Variants in RAD23B observed in about 807,000 individuals in gnomAD.
The protein encoded by RAD23B is RAD23 nucleotide excision repair protein B, also known as lysine-specific demethylase RAD23B.
A neutral mutation model predicts 49.1 loss-of-function variants in RAD23B; 5 were observed. The ratio of observed to expected loss-of-function variants is 0.10; its 90% CI spans 0.05 to 0.21. The LOEUF (loss-of-function observed/expected upper bound fraction) is 0.21, where lower values mean the gene tolerates loss of function less well. Ranked by LOEUF, RAD23B falls within the 10% of genes least tolerant of loss-of-function variation. The pLI is 1.00. For synonymous variants in RAD23B, 184 were observed against 165.4 expected, an observed-to-expected ratio of 1.11 and a Z score of -0.86; for missense variants, 356 against 486.7, an observed-to-expected ratio of 0.73 and a Z score of 2.53.
chr9:107,308,499 A>G (rs773415323), intron 4 of RAD23B, among the ~76,000 whole-genome samples: 9 of 152,116 alleles, frequency 5.9e-5, no homozygotes, highest in Non-Finnish European at 8.8e-5. Context: ...GATTATAGGC[A>G]TGAGCCACCA....
rs554804197 is a variant in RAD23B at position 107,331,910 on chromosome 9, T to C, written c.*2254T>C. 6.2e-6 allele frequency: 3 copies of C among 482,284 alleles called. No homozygotes were observed. The highest frequency in any genetic ancestry group is 5.8e-5 in the African/African-American group (3 of 51,396). The allele number at this position is 482,284 out of a possible 1,614,324, so 29.9% of individuals were successfully genotyped here. On this transcript the variant is annotated 3_prime_UTR_variant, in exon 10 of 10. Transcript: ENST00000358015. ...TTTTGTGCCTTTTGCTGTTAATGTT[T>C]AATTTACAAACTGTTTTGGTAAATC...
chr9:107,286,388 A>G (rs75520977), intron 1 of RAD23B, among the ~76,000 whole-genome samples: 1 of 152,216 alleles, frequency 6.6e-6, no homozygotes, highest in Non-Finnish European at 1.5e-5. Flanking sequence ...GGGGATATAC[A>G]AAATGGAAAG....
Position 107,330,690 on chromosome 9 carries a change from T to G in RAD23B, c.*1034T>G. The G allele has an allele frequency of 6.6e-6, 1 of 152,654 alleles. No individual in the cohort carries two copies. Among genetic ancestry groups the G allele is most frequent in the East Asian group, 1.9e-4 (1 of 5,200 alleles). The allele number at this position is 152,654 out of a possible 1,614,324, so 9.5% of individuals were successfully genotyped here. ...TTTGTAAATGTGTTTCTTTATTAGA[T>G]AAGAGTGTATTACCATTAAAGTCAT... On this transcript the variant is annotated 3_prime_UTR_variant, in exon 10 of 10. Transcript: ENST00000358015. The surrounding 1 kb of genome is among the most constrained non-coding windows in gnomAD (Gnocchi z 4.4).
intron 2 of RAD23B, 33 bp downstream of exon 2, chr9:107,300,255 G>A: frequency 6.3e-7 from 1 of 1,576,844 alleles, no homozygotes; most frequent in Non-Finnish European, 8.6e-7. Flanking sequence ...AACATGCCAT[G>A]TCTTGATATT....
intron 7 of RAD23B, among the ~76,000 whole-genome samples, chr9:107,322,752 A>G (rs1360421016): frequency 6.6e-6 from 1 of 152,238 alleles, no homozygotes; most frequent in African/African-American, 2.4e-5. Context: ...CCATTCTTCC[A>G]TGCATTTCCT....
At chr9:107,309,943 A>C (rs1230577967) in intron 4 of RAD23B, among the ~76,000 whole-genome samples, 8 of 151,152 alleles carry the variant, frequency 5.3e-5, no homozygotes, top group Admixed American at 1.3e-4. Flanking sequence ...AAAAAAAAAA[A>C]AAAAAAACCA....
At chr9:107,329,509 T>G in intron 9 of RAD23B, 34 bp from the exon 10 acceptor site, 1 of 1,258,834 alleles carries the variant, frequency 7.9e-7, no homozygotes, top group Non-Finnish European at 1.1e-6. Flanking sequence ...ATAATTGGTG[T>G]GTTGGATTTA....
chr9:107,319,128 CTTTT>C lies in RAD23B; in HGVS notation c.681+266_681+269del, dbSNP rs56891354. 3.1e-4 allele frequency among the ~76,000 whole-genome samples: 30 copies of C among 97,804 alleles called. 1 individual carries two copies. The highest frequency in any genetic ancestry group is 9.6e-4 in the African/African-American group (24 of 25,086). 64.2% of individuals were successfully genotyped at this position (97,804 alleles called of 152,430 possible). On this transcript the variant is annotated intron_variant, in intron 6 of 9. Coordinates refer to ENST00000358015, the MANE Select transcript of RAD23B (RefSeq NM_002874.5). Reference sequence around the variant, plus strand: ...TATTCAGAACAAAAATTTCTTTTTTCTTTTTTTTTTTTTTTTTTTTGAGACGGAG... The same window carrying C: ...TATTCAGAACAAAAATTTCTTTTTTCTTTTTTTTTTTTTTTTGAGACGGAG...
At chr9:107,294,061 G>A (rs1270346909) in intron 1 of RAD23B, among the ~76,000 whole-genome samples, 1 of 152,178 alleles carries the variant, frequency 6.6e-6, no homozygotes, top group Non-Finnish European at 1.5e-5. Context: ...GCCTGAACTA[G>A]AATAGTGCCA....
intron 6 of RAD23B, among the ~76,000 whole-genome samples, chr9:107,321,245 T>TTGAGATACTTTAAGTATCTCATTTA (rs72446896): frequency 4.8e-4 from 72 of 149,858 alleles, no homozygotes; most frequent in South Asian, 1.9e-3. Context: ...ATCTCATTTT[T>TTGAGATACTTTAAGTATCTCATTTA]TGAGATACTT....
At chr9:107,286,370 T>C (rs1299545911) in intron 1 of RAD23B, among the ~76,000 whole-genome samples, 1 of 152,200 alleles carries the variant, frequency 6.6e-6, no homozygotes, top group African/African-American at 2.4e-5. Context: ...TCATTGGCTA[T>C]AGAGTAGGGG....
chr9:107,298,385 C>T (rs971461756), intron 1 of RAD23B, among the ~76,000 whole-genome samples: 5 of 151,866 alleles, frequency 3.3e-5, no homozygotes, highest in Non-Finnish European at 4.4e-5. Context: ...ATGATCTTGG[C>T]CCACTGCAAC....
At chr9:107,323,697 G>A (rs949351516) in intron 7 of RAD23B, among the ~76,000 whole-genome samples, 193 bp from the exon 8 acceptor site, 2 of 152,084 alleles carry the variant, frequency 1.3e-5, no homozygotes, top group Non-Finnish European at 2.9e-5. Flanking sequence ...TTGCTAATAG[G>A]AGTAATTTTT....
At chr9:107,321,943 G>C (rs1827118124) in intron 6 of RAD23B, 40 bp from the exon 7 acceptor site, 4 of 1,547,284 alleles carry the variant, frequency 2.6e-6, no homozygotes, top group Non-Finnish European at 3.5e-6. Flanking sequence ...ATTTAATTTT[G>C]CATGATGGGA....
intron 5 of RAD23B, among the ~76,000 whole-genome samples, chr9:107,314,524 C>A (rs975569543): frequency 5.9e-4 from 90 of 152,218 alleles, no homozygotes; most frequent in African/African-American, 2.2e-3. Flanking sequence ...TGGTTTTATT[C>A]TTTTTGATGG....
chr9:107,306,761 T>C (rs2133080384), intron 4 of RAD23B, 114 bp downstream of exon 4: 1 of 1,201,504 alleles, frequency 8.3e-7, no homozygotes, highest in Non-Finnish European at 1.2e-6. Context: ...ACGTTAAGCT[T>C]TTTTTAAATG....
chr9:107,287,235 TAAA>T (rs11382139), intron 1 of RAD23B, among the ~76,000 whole-genome samples: 3 of 151,704 alleles, frequency 2.0e-5, no homozygotes, highest in South Asian at 2.1e-4. Flanking sequence ...CCTTTTGAGA[TAAA>T]AAAAATACAG....
intron 4 of RAD23B, among the ~76,000 whole-genome samples, chr9:107,309,653 C>T (rs945569378): frequency 5.9e-5 from 9 of 152,014 alleles, no homozygotes; most frequent in African/African-American, 2.2e-4. Context: ...ATGTGTGGGC[C>T]GGGCGTGGTG....
At chr9:107,294,315 C>T (rs960275904) in intron 1 of RAD23B, among the ~76,000 whole-genome samples, 1 of 152,124 alleles carries the variant, frequency 6.6e-6, no homozygotes, top group African/African-American at 2.4e-5. Context: ...ATGTCTTTGT[C>T]TCTAGTGGAA....
Sources: gnomAD v4.1 joint callset for allele counts (sites outside exome capture counted in the v4.1 genomes callset) on GRCh38, gnomAD v4.1.1 for gene constraint, Gnocchi (gnomAD v3.1) non-coding constraint, MANE v1.5 for transcripts, NCBI Gene and HGNC (gene_info 2026-07-23, HGNC 2026-07-21) for gene names.